The following NRIP1 variants were observed in gnomAD, a reference collection of about 807,000 sequenced individuals.
The protein encoded by NRIP1 is nuclear receptor interacting protein 1, also known as nuclear receptor-interacting protein 1.
In NRIP1, 28 loss-of-function variants were observed where a neutral mutation model predicts 75.0. That is an observed-to-expected ratio of 0.37 (90% CI 0.28 to 0.51). The LOEUF (loss-of-function observed/expected upper bound fraction) is 0.51. NRIP1 is among the 20% of genes least tolerant of loss of function. The probability of loss-of-function intolerance (pLI) is 0.92; values close to 1 mark genes in which losing one functional copy is unlikely to be tolerated. For synonymous variants in NRIP1, 526 were observed against 487.6 expected (o/e 1.08, Z -1.04); for missense variants, 1,435 against 1,343.7 (o/e 1.07, Z -1.06).
At chr21:14,986,416 A>G (rs1243148211) in intron 3 of NRIP1, among the ~76,000 whole-genome samples, 2 of 152,202 alleles carry the variant, frequency 1.3e-5, no homozygotes, top group Non-Finnish European at 2.9e-5. Context: ...TTTTTACCAT[A>G]TTAGCATGTT....
At chr21:15,047,169 G>C (rs976075946) in intron 1 of NRIP1, among the ~76,000 whole-genome samples, 2 of 152,148 alleles carry the variant, frequency 1.3e-5, no homozygotes, top group Admixed American at 1.3e-4. Flanking sequence ...ATGGCAGAAG[G>C]TGAGGGGAAA....
intron 2 of NRIP1, among the ~76,000 whole-genome samples, chr21:15,034,080 C>T (rs1387799279): frequency 2.6e-5 from 4 of 152,194 alleles, no homozygotes; most frequent in African/African-American, 9.6e-5. Flanking sequence ...CACCAAATCC[C>T]TTGCTTTTGT....
At chr21:14,969,734 T>TA (rs138979844) in intron 3 of NRIP1, among the ~76,000 whole-genome samples, 1 of 152,356 alleles carries the variant, frequency 6.6e-6, no homozygotes, top group East Asian at 1.9e-4. Context: ...GCTTTTTAAG[T>TA]ACAATGCTTA....
rs532420730 is a variant in NRIP1 at position 15,046,097 on chromosome 21, C to T, written c.-537-2523G>A. On this transcript the variant is annotated intron_variant, in intron 1 of 3. Coordinates refer to ENST00000318948, the MANE Select transcript of NRIP1 (RefSeq NM_003489.4). ...ATTAATGTTAGTATTTTGACCTCCT[C>T]CCATTAATCACAAATGTTCTCAATG... is the stretch of plus-strand genomic sequence containing the variant. 2.6e-5 allele frequency among the ~76,000 whole-genome samples: 4 copies of T among 152,208 alleles called. No individual in the cohort carries two copies. The South Asian group carries it at 8.3e-4, about 31-fold the overall frequency.
intron 3 of NRIP1, among the ~76,000 whole-genome samples, chr21:14,996,377 T>G (rs934829544): frequency 1.5e-4 from 23 of 152,216 alleles, no homozygotes; most frequent in Admixed American, 3.9e-4. Flanking sequence ...CTCTCCGGTC[T>G]TTGGGCGTCT....
At chr21:14,986,960 A>C (rs956821326) in intron 3 of NRIP1, among the ~76,000 whole-genome samples, 19 of 152,218 alleles carry the variant, frequency 1.2e-4, no homozygotes, top group African/African-American at 4.6e-4. Flanking sequence ...CAGAATCATA[A>C]TTTAAAGGTT....
intron 1 of NRIP1, among the ~76,000 whole-genome samples, chr21:15,055,445 C>G (rs183675556): frequency 9.5e-4 from 144 of 152,282 alleles, no homozygotes; most frequent in African/African-American, 3.4e-3. Context: ...AAATTCTCAG[C>G]CTGGAAATTA....
At position 14,962,965 on chromosome 21, in the gene NRIP1, AAT is replaced by A. The variant is rs967383538; in HGVS notation, c.*1749_*1750del. 2.0e-5 allele frequency: 3 copies of A among 152,454 alleles called. No homozygotes were observed. The highest frequency in any genetic ancestry group is 4.4e-5 in the Non-Finnish European group (3 of 67,954). 9.4% of individuals were successfully genotyped at this position (152,454 alleles called of 1,614,324 possible). A position where few individuals can be genotyped will look rare whatever the true frequency, so the allele number is the denominator to read the frequency against. On this transcript the variant is annotated 3_prime_UTR_variant, in exon 4 of 4. Transcript: ENST00000318948. Reference sequence around the variant, plus strand: ...TAACCTGGTTCACAATTAAGAACAAAATATCTGGTGAATGAATTGTGGATTGT... The same window carrying A: ...TAACCTGGTTCACAATTAAGAACAAAATCTGGTGAATGAATTGTGGATTGT...
chr21:15,020,077 T>A (rs978430398), intron 2 of NRIP1, among the ~76,000 whole-genome samples: 1 of 151,878 alleles, frequency 6.6e-6, no homozygotes. Flanking sequence ...TCTACCTAAA[T>A]GCCATCGTAA....
intron 2 of NRIP1, among the ~76,000 whole-genome samples, chr21:15,038,657 A>G (rs1416187447): frequency 6.6e-6 from 1 of 152,046 alleles, no homozygotes; most frequent in Admixed American, 6.6e-5. Context: ...CAGTTTGATG[A>G]AAAAAACTAC....
At chr21:15,049,474 CT>C (rs1406721714) in intron 1 of NRIP1, among the ~76,000 whole-genome samples, 3 of 151,978 alleles carry the variant, frequency 2.0e-5, no homozygotes, top group African/African-American at 7.2e-5. Context: ...TTCCCTTTAG[CT>C]TTGTAAAATG....
chr21:15,035,855 T>C (rs976371453), intron 2 of NRIP1, among the ~76,000 whole-genome samples: 2 of 152,120 alleles, frequency 1.3e-5, no homozygotes, highest in Non-Finnish European at 2.9e-5. Context: ...TATATGACTT[T>C]CTAACAAATA....
Position 14,967,558 on chromosome 21 carries a change from C to T in NRIP1, c.635G>A (p.Arg212Lys), listed in dbSNP as rs773107950. The T allele has an allele frequency of 6.2e-7, 1 of 1,614,176 alleles. No individual in the cohort carries two copies. Among genetic ancestry groups the T allele is most frequent in the Non-Finnish European group, 8.5e-7 (1 of 1,180,024 alleles). ...NLPDVTKNLIRDRFAESPHHV... is the reference protein window; with the variant it reads ...NLPDVTKNLIKDRFAESPHHV... Reference sequence around the variant, plus strand: ...ATGAGGAGACTCTGCAAACCTATCTCTGATGAGGTTTTTAGTCACATCAGG... The same window carrying T: ...ATGAGGAGACTCTGCAAACCTATCTTTGATGAGGTTTTTAGTCACATCAGG... The change falls in exon 4 of 4, where the codon AGA (arginine) becomes AAA (lysine). Residue 212 changes from arginine to lysine, a missense_variant. Transcript: ENST00000318948.
chr21:15,007,523 A>G (rs2088000683), intron 3 of NRIP1, among the ~76,000 whole-genome samples: 1 of 152,238 alleles, frequency 6.6e-6, no homozygotes, highest in Admixed American at 6.5e-5. Flanking sequence ...TCAAAAAAGT[A>G]GTAATTCTTA....
At chr21:14,999,413 T>G (rs1430573405) in intron 3 of NRIP1, among the ~76,000 whole-genome samples, 3 of 152,184 alleles carry the variant, frequency 2.0e-5, no homozygotes, top group Non-Finnish European at 4.4e-5. Flanking sequence ...TCTGTGTGTA[T>G]GAGTTTGCTT....
chr21:14,964,745 C>T lies in NRIP1; in HGVS notation c.3448G>A (p.Val1150Met), dbSNP rs551752491. ...NGEVYGLLGS[V>M]LTIKKESE ...TCTGATTCTTTCTTTATCGTTAGCACGCTTCCCAGAAGTCCATAAACTTCT... is the reference window on the plus strand; with the variant it reads ...TCTGATTCTTTCTTTATCGTTAGCATGCTTCCCAGAAGTCCATAAACTTCT... Residue 1150 changes from valine to methionine, a missense_variant, in exon 4 of 4, where the codon GTG becomes ATG. Physicochemically the swap from Val to Met is conservative, Grantham distance 21. Transcript: ENST00000318948. The T allele has an allele frequency of 3.3e-5, 52 of 1,560,734 alleles. No homozygotes were observed. Among genetic ancestry groups the T allele is most frequent in the Middle Eastern group, 3.5e-4 (2 of 5,776 alleles).
In NRIP1 at chr21:14,963,837, T is replaced by G. The variant is rs78768494; in HGVS notation, c.*879A>C. On this transcript the variant is annotated 3_prime_UTR_variant, in exon 4 of 4. Coordinates refer to ENST00000318948, the MANE Select transcript of NRIP1 (RefSeq NM_003489.4). ...CAGGTACCACAGGAATGGTGAGAAT[T>G]AACTTTTACAAGAGATGGTGAAAAC... is the stretch of plus-strand genomic sequence containing the variant. 2,387 of 152,348 alleles carry G rather than the reference T, an allele frequency of 0.016. 225 individuals are homozygous for G. In the East Asian group the frequency reaches 0.27, roughly 17 times the overall value. 9.4% of individuals were successfully genotyped at this position (152,348 alleles called of 1,614,324 possible).
chr21:15,048,711 C>T (rs1231892850), intron 1 of NRIP1, among the ~76,000 whole-genome samples: 1 of 152,196 alleles, frequency 6.6e-6, no homozygotes, highest in Admixed American at 6.5e-5. Flanking sequence ...CAATAAGGTT[C>T]CATCTGAACT....
chr21:15,058,170 C>T (rs1257521724), intron 1 of NRIP1, among the ~76,000 whole-genome samples: 1 of 152,146 alleles, frequency 6.6e-6, no homozygotes, highest in African/African-American at 2.4e-5. Flanking sequence ...TCTGTATCAT[C>T]TTGATTTAGT....
Sources: allele counts gnomAD v4.1 joint callset (sites outside exome capture counted in the v4.1 genomes callset), GRCh38; gene constraint gnomAD v4.1.1; transcripts MANE v1.5; gene names NCBI Gene and HGNC (gene_info 2026-07-23, HGNC 2026-07-21).